Variants in TMEM108 observed in about 807,000 individuals in gnomAD.
The protein encoded by TMEM108 is transmembrane protein 108, also known as cancer/testis antigen 124.
A neutral mutation model predicts 35.1 loss-of-function variants in TMEM108; 12 were observed. The ratio of observed to expected loss-of-function variants is 0.34; its 90% CI spans 0.22 to 0.55. TMEM108 has a LOEUF of 0.55. Among genes scored for constraint, TMEM108 ranks in the 20% least tolerant of loss-of-function variants. The pLI, the probability that TMEM108 is intolerant of heterozygous loss-of-function variation, is 0.89. For synonymous variants in TMEM108, 287 were observed against 308.6 expected, an observed-to-expected ratio of 0.93 and a Z score of 0.73; for missense variants, 680 against 753.3, an observed-to-expected ratio of 0.90 and a Z score of 1.14.
chr3:133,053,154 C>T (rs970416133), intron 2 of TMEM108, among the ~76,000 whole-genome samples: 7 of 152,146 alleles, frequency 4.6e-5, no homozygotes, highest in Admixed American at 3.3e-4. Flanking sequence ...TTGATACCAA[C>T]CCAGAAACCA....
intron 3 of TMEM108, among the ~76,000 whole-genome samples, chr3:133,368,717 A>C (rs1164997208): frequency 2.0e-5 from 3 of 152,228 alleles, no homozygotes; most frequent in African/African-American, 7.2e-5. Flanking sequence ...CTCCAAAGAA[A>C]TAAACATCTA....
intron 3 of TMEM108, among the ~76,000 whole-genome samples, chr3:133,361,137 T>C (rs1328635729): frequency 6.6e-6 from 1 of 152,200 alleles, no homozygotes; most frequent in Non-Finnish European, 1.5e-5. Flanking sequence ...AACCTTGCAA[T>C]CATTTCTGCT....
At chr3:133,154,301 C>G (rs1944844957) in intron 2 of TMEM108, among the ~76,000 whole-genome samples, 1 of 151,870 alleles carries the variant, frequency 6.6e-6, no homozygotes, top group African/African-American at 2.4e-5. Context: ...TAATTAGATC[C>G]CATTTGTCAA....
chr3:133,337,074 C>T (rs933290448), intron 3 of TMEM108, among the ~76,000 whole-genome samples: 1 of 152,138 alleles, frequency 6.6e-6, no homozygotes, highest in Admixed American at 6.5e-5. Flanking sequence ...GTTTTTGACT[C>T]CAGCCCCTGG....
At chr3:133,129,429 A>G (rs989696880) in intron 2 of TMEM108, among the ~76,000 whole-genome samples, 1 of 149,624 alleles carries the variant, frequency 6.7e-6, no homozygotes, top group African/African-American at 2.4e-5. Context: ...AAGAAAAAGC[A>G]GTAGCTGGGA....
At chr3:133,352,293 A>C (rs191094534) in intron 3 of TMEM108, among the ~76,000 whole-genome samples, 110 of 152,246 alleles carry the variant, frequency 7.2e-4, no homozygotes, top group African/African-American at 2.4e-3. Context: ...GGAAAAACCA[A>C]ACTGCTTTTC....
intron 2 of TMEM108, among the ~76,000 whole-genome samples, chr3:133,111,510 C>A (rs1286790109): frequency 6.6e-6 from 1 of 151,946 alleles, no homozygotes; most frequent in Non-Finnish European, 1.5e-5. Context: ...TGTATGGAGG[C>A]CCATTTTCCA....
chr3:133,282,123 C>A (rs1388921932), intron 3 of TMEM108, among the ~76,000 whole-genome samples: 2 of 152,156 alleles, frequency 1.3e-5, no homozygotes, highest in African/African-American at 4.8e-5. Context: ...CACCACTGTA[C>A]TCCAGCCTGG....
chr3:133,331,111 A>G (rs924936174), intron 3 of TMEM108, among the ~76,000 whole-genome samples: 12 of 152,202 alleles, frequency 7.9e-5, no homozygotes, highest in African/African-American at 2.9e-4. Flanking sequence ...ATAAAAAATC[A>G]AAAAGTCATA....
At chr3:133,253,920 A>T (rs1946507437) in intron 3 of TMEM108, among the ~76,000 whole-genome samples, 1 of 152,232 alleles carries the variant, frequency 6.6e-6, no homozygotes. Flanking sequence ...TAATTCCAAC[A>T]AATTCGGGAG....
At chr3:133,377,267 G>A (rs929860390) in intron 3 of TMEM108, among the ~76,000 whole-genome samples, 3 of 152,184 alleles carry the variant, frequency 2.0e-5, no homozygotes, top group Admixed American at 6.5e-5. Context: ...ACACTTGTGA[G>A]CTAAACAGAC....
At chr3:133,215,745 A>G (rs1242426737) in intron 2 of TMEM108, among the ~76,000 whole-genome samples, 1 of 152,188 alleles carries the variant, frequency 6.6e-6, no homozygotes, top group African/African-American at 2.4e-5. Context: ...CTCACAAATA[A>G]TAGTAGAATA....
At chr3:133,174,895 T>G (rs751545817) in intron 2 of TMEM108, among the ~76,000 whole-genome samples, 15 of 152,024 alleles carry the variant, frequency 9.9e-5, no homozygotes, top group Non-Finnish European at 1.6e-4. Flanking sequence ...AGGAGGAAGT[T>G]TGAACCCATG....
chr3:133,294,205 T>C (rs1261880052), intron 3 of TMEM108, among the ~76,000 whole-genome samples: 1 of 152,200 alleles, frequency 6.6e-6, no homozygotes, highest in Non-Finnish European at 1.5e-5. Flanking sequence ...TAGTGTTAAA[T>C]ATAAGGAAGA....
chr3:133,195,946 G>A (rs553138844), intron 2 of TMEM108, among the ~76,000 whole-genome samples: 3 of 152,248 alleles, frequency 2.0e-5, no homozygotes, highest in East Asian at 1.9e-4. Flanking sequence ...TGCAGGCCAC[G>A]TTAGCTCTGG....
chr3:133,280,216 T>C (rs1294558810), intron 3 of TMEM108, among the ~76,000 whole-genome samples: 1 of 152,104 alleles, frequency 6.6e-6, no homozygotes, highest in African/African-American at 2.4e-5. Context: ...GCAGCAAAAA[T>C]CAGGAAAGTC....
At chr3:133,343,307 C>T (rs77070446) in intron 3 of TMEM108, among the ~76,000 whole-genome samples, 8 of 151,996 alleles carry the variant, frequency 5.3e-5, no homozygotes, top group South Asian at 4.1e-4. Flanking sequence ...ACACTGTAGA[C>T]GTTTCTTATA....
chr3:133,265,652 T>G (rs778702376), intron 3 of TMEM108, among the ~76,000 whole-genome samples: 5 of 152,108 alleles, frequency 3.3e-5, no homozygotes, highest in Non-Finnish European at 7.4e-5. Flanking sequence ...AATGAAGAGG[T>G]GTCTGCTGTT....
chr3:133,039,010 G>T (rs1418021548), intron 1 of TMEM108, among the ~76,000 whole-genome samples: 5 of 152,230 alleles, frequency 3.3e-5, no homozygotes, highest in African/African-American at 7.2e-5. Flanking sequence ...CTGCCGGCTG[G>T]ACCTGGCGGT....
Sources: allele counts gnomAD v4.1 joint callset (sites outside exome capture counted in the v4.1 genomes callset), GRCh38; gene constraint gnomAD v4.1.1; transcripts MANE v1.5; gene names NCBI Gene and HGNC (gene_info 2026-07-23, HGNC 2026-07-21).